Variants in DNAH8 observed in about 807,000 individuals in gnomAD.
The protein encoded by DNAH8 is axonemal beta dynein heavy chain 8.
A neutral mutation model predicts 562.1 loss-of-function variants in DNAH8; 382 were observed. The observed-to-expected ratio is 0.68, with a 90% confidence interval of 0.63 to 0.74. DNAH8 has a LOEUF of 0.74. Among genes scored for constraint, DNAH8 ranks in the 30% least tolerant of loss-of-function variants. DNAH8 has a pLI of 0.00. For missense variants in DNAH8, 5,203 were observed against 5,620.4 expected, an observed-to-expected ratio of 0.93 and a Z score of 2.37; for synonymous variants, 1,881 against 1,919.4, an observed-to-expected ratio of 0.98 and a Z score of 0.52.
At chr6:38,950,742 G>C (rs920231147) in intron 81 of DNAH8, among the ~76,000 whole-genome samples, 10 of 151,832 alleles carry the variant, frequency 6.6e-5, no homozygotes, top group African/African-American at 2.4e-4. Context: ...CCTGGCCAGG[G>C]CTACTTAGTT....
chr6:38,999,994 T>C lies in DNAH8; in HGVS notation c.13215-8820T>C, dbSNP rs140520881. 6.3e-3 allele frequency among the ~76,000 whole-genome samples: 952 copies of C among 151,850 alleles called. 7 individuals carry two copies. The highest frequency in any genetic ancestry group is 0.017 in the Middle Eastern group (5 of 294). ...AAATAAAAAAACAATAATAACAATATACTATGTTTTTACCATAAGAAGGAA... is the reference window on the plus strand; with the variant it reads ...AAATAAAAAAACAATAATAACAATACACTATGTTTTTACCATAAGAAGGAA... On this transcript the variant is annotated intron_variant, in intron 88 of 92. Coordinates refer to ENST00000327475, the MANE Select transcript of DNAH8 (RefSeq NM_001206927.2).
chr6:38,722,004 TC>T (rs1762790919), intron 1 of DNAH8, among the ~76,000 whole-genome samples: 1 of 152,256 alleles, frequency 6.6e-6, no homozygotes. Context: ...ATCATTATTG[TC>T]CTACAATATG....
intron 33 of DNAH8, among the ~76,000 whole-genome samples, chr6:38,840,266 G>A (rs1441427493): frequency 6.6e-6 from 1 of 152,150 alleles, no homozygotes; most frequent in Middle Eastern, 3.2e-3. Context: ...TTTAAGAGAA[G>A]ACTGTCATCT....
At chr6:38,861,270 C>G (rs150020165) in intron 43 of DNAH8, among the ~76,000 whole-genome samples, 72 of 152,274 alleles carry the variant, frequency 4.7e-4, no homozygotes, top group African/African-American at 1.6e-3. Flanking sequence ...TTTATTGAAC[C>G]TATCCCTTTT....
intron 41 of DNAH8, among the ~76,000 whole-genome samples, chr6:38,854,032 G>T (rs1775982291): frequency 6.6e-6 from 1 of 152,036 alleles, no homozygotes; most frequent in South Asian, 2.1e-4. Context: ...GCACGTGTGT[G>T]TGTGTGTATA....
rs75450096 is a variant in DNAH8 at position 38,978,272 on chromosome 6, G to A, written c.12834+3743G>A. 0.011 allele frequency among the ~76,000 whole-genome samples: 1,693 copies of A among 152,234 alleles called. 112 individuals carry two copies. In the East Asian group the frequency reaches 0.16, roughly 14 times the overall value. ...GTGGCCCTTAAAAATTACTTAGATAGTAAATAAAAGGGGCCCTATCAATAG... is the reference window on the plus strand; with the variant it reads ...GTGGCCCTTAAAAATTACTTAGATAATAAATAAAAGGGGCCCTATCAATAG... On this transcript the variant is annotated intron_variant, in intron 85 of 92. Transcript: ENST00000327475.
intron 26 of DNAH8, among the ~76,000 whole-genome samples, chr6:38,820,979 C>G (rs1190017015): frequency 2.6e-5 from 4 of 152,114 alleles, no homozygotes; most frequent in African/African-American, 9.7e-5. Context: ...AGTGGAAATT[C>G]TATCAAGTGG....
intron 49 of DNAH8, among the ~76,000 whole-genome samples, chr6:38,871,017 G>A (rs564439400): frequency 6.6e-6 from 1 of 152,304 alleles, no homozygotes; most frequent in South Asian, 2.1e-4. Context: ...GACTGCATAT[G>A]TTGGTGTCTT....
intron 79 of DNAH8, among the ~76,000 whole-genome samples, chr6:38,944,810 A>G (rs2150612541): frequency 6.6e-6 from 1 of 152,308 alleles, no homozygotes; most frequent in Admixed American, 6.5e-5. Context: ...TATTTGTTCA[A>G]TCAATGAATG....
rs1171890789 is a variant in DNAH8, at chr6:38,767,477, C to A, written c.1618-2936C>A. Among the ~76,000 whole-genome samples the A allele has an allele frequency of 2.6e-5, 4 of 151,990 alleles. No homozygotes were observed. The East Asian group carries it at 7.7e-4, about 29-fold the overall frequency. The stretch of plus-strand genomic sequence containing the variant: ...AATTCCCCAAACTCTCTGCCCTAGC[C>A]CCTAGTAACTTGTATTTACTGTCTC... On this transcript the variant is annotated intron_variant, in intron 11 of 92. Coordinates refer to ENST00000327475, the MANE Select transcript of DNAH8 (RefSeq NM_001206927.2).
At chr6:38,759,116 A>G (rs1766227282) in intron 10 of DNAH8, among the ~76,000 whole-genome samples, 1 of 152,150 alleles carries the variant, frequency 6.6e-6, no homozygotes, top group Non-Finnish European at 1.5e-5. Context: ...CAACCTGGGC[A>G]ACATAGAGAG....
intron 85 of DNAH8, among the ~76,000 whole-genome samples, chr6:38,976,715 G>A (rs1027812019): frequency 9.2e-5 from 14 of 152,228 alleles, no homozygotes; most frequent in African/African-American, 3.4e-4. Context: ...TAGATTGTTT[G>A]TGACTTACGT....
Position 39,030,372 on chromosome 6 carries a change from C to A in DNAH8, c.14104C>A (p.Leu4702Ile), listed in dbSNP as rs989852679. ...PDHWILRGVA[L>I]LCDIK ...TCACTGGATCCTGAGAGGAGTGGCC[C>A]TTTTGTGTGACATCAAGTAAGTTCA... The change falls in exon 93 of 93, where the codon CTT becomes ATT. Residue 4702 changes from leucine (L) to isoleucine (I), a missense_variant. Physicochemically the swap from Leu to Ile is conservative, Grantham distance 5. This residue lies in a region of DNAH8 where 1,399 missense variants were observed against 1,518.4 expected (regional missense o/e 0.92). Transcript: ENST00000327475. 2 of 1,613,980 alleles carry A rather than the reference C, an allele frequency of 1.2e-6. No homozygotes were observed. Among genetic ancestry groups the A allele is most frequent in the Non-Finnish European group, 1.7e-6 (2 of 1,179,898 alleles).
intron 88 of DNAH8, among the ~76,000 whole-genome samples, chr6:38,997,069 T>A (rs1765182776): frequency 6.6e-6 from 1 of 152,136 alleles, no homozygotes; most frequent in South Asian, 2.1e-4. Flanking sequence ...TGGTCTGCCT[T>A]GGGGTCTCTC....
At chr6:39,022,382 T>C (rs1426403980) in intron 91 of DNAH8, among the ~76,000 whole-genome samples, 3 of 152,220 alleles carry the variant, frequency 2.0e-5, no homozygotes, top group Non-Finnish European at 2.9e-5. Flanking sequence ...ACTTTCCAGC[T>C]AACTGCTTCC....
intron 88 of DNAH8, among the ~76,000 whole-genome samples, chr6:39,001,851 G>GGAT (rs1765506854): frequency 2.0e-5 from 3 of 152,158 alleles, no homozygotes. Flanking sequence ...CGCACACAGA[G>GGAT]GATGATCAGG....
At chr6:38,797,317 G>A (rs1230553569) in intron 21 of DNAH8, among the ~76,000 whole-genome samples, 2 of 152,140 alleles carry the variant, frequency 1.3e-5, no homozygotes, top group South Asian at 2.1e-4. Flanking sequence ...TTCTTAAGTC[G>A]AGTAAAGGCT....
chr6:38,899,848 C>A lies in DNAH8; in HGVS notation c.9136C>A (p.Leu3046Ile), dbSNP rs1306628399. ...TGTTGGTGGTTCCGGAAAACAAAGTCTTTCAAGATTGGCCTCTTTTATTGC... is the reference window on the plus strand; with the variant it reads ...TGTTGGTGGTTCCGGAAAACAAAGTATTTCAAGATTGGCCTCTTTTATTGC... ...VGVGGSGKQS[L>I]SRLASFIAGY... The change falls in exon 62 of 93, where the codon CTT (leucine) becomes ATT (isoleucine). Residue 3046 changes from leucine (L) to isoleucine (I), a missense_variant. By Grantham distance (5) the Leu-to-Ile change is conservative. Coordinates refer to ENST00000327475, the MANE Select transcript of DNAH8 (RefSeq NM_001206927.2). The A allele has an allele frequency of 1.2e-6, 2 of 1,611,468 alleles. No homozygotes were observed. Among genetic ancestry groups the A allele is most frequent in the South Asian group, 2.2e-5 (2 of 90,452 alleles).
chr6:39,025,636 CT>C (rs1767222101), intron 91 of DNAH8, among the ~76,000 whole-genome samples: 1 of 152,186 alleles, frequency 6.6e-6, no homozygotes, highest in Non-Finnish European at 1.5e-5. Flanking sequence ...CCATTCAAAC[CT>C]GATAAAATGT....
Sources: allele counts gnomAD v4.1 joint callset (sites outside exome capture counted in the v4.1 genomes callset), GRCh38; gene constraint gnomAD v4.1.1; regional missense constraint gnomAD v4.1.1; transcripts MANE v1.5; gene names NCBI Gene and HGNC (gene_info 2026-07-23, HGNC 2026-07-21).